NKAIN3: variants seen among roughly 807,000 people sequenced by gnomAD.
NKAIN3 encodes the protein sodium/potassium-transporting ATPase subunit beta-1-interacting protein 3.
NKAIN3 carries 25 observed loss-of-function variants against 30.2 expected under a neutral mutation model. That is an observed-to-expected ratio of 0.83 (90% confidence interval 0.60 to 1.16). The LOEUF is 1.16. Among genes scored for constraint, NKAIN3 ranks in the 50% most tolerant of loss-of-function variants. NKAIN3 has a pLI of 0.00. For synonymous variants in NKAIN3, 91 were observed against 89.6 expected (o/e 1.02, Z -0.09); for missense variants, 225 against 254.1 (o/e 0.89, Z 0.78).
At chr8:62,788,223 C>T (rs1344893958) in intron 4 of NKAIN3, among the ~76,000 whole-genome samples, 2 of 152,074 alleles carry the variant, frequency 1.3e-5, no homozygotes, top group Non-Finnish European at 1.5e-5. Context: ...TTTTAATGAT[C>T]GCCATTCTAA....
chr8:62,667,315 TTATATATATATATTC>T (rs1813141535), intron 3 of NKAIN3, among the ~76,000 whole-genome samples: 1 of 134,156 alleles, frequency 7.5e-6, no homozygotes, highest in Non-Finnish European at 1.5e-5. Flanking sequence ...ATATATATAT[TTATATATATATATTC>T]TTTATATATA....
At chr8:62,818,234 A>G (rs1001344072) in intron 4 of NKAIN3, among the ~76,000 whole-genome samples, 1 of 152,184 alleles carries the variant, frequency 6.6e-6, no homozygotes, top group Non-Finnish European at 1.5e-5. Context: ...ATGATGTTGC[A>G]GAGGGGAAAG....
At chr8:62,793,796 G>A (rs1469380440) in intron 4 of NKAIN3, among the ~76,000 whole-genome samples, 3 of 152,098 alleles carry the variant, frequency 2.0e-5, no homozygotes, top group Non-Finnish European at 4.4e-5. Flanking sequence ...GAACATCTAA[G>A]ATATGCATCC....
intron 1 of NKAIN3, among the ~76,000 whole-genome samples, chr8:62,489,439 A>G (rs955345544): frequency 2.6e-5 from 4 of 152,184 alleles, no homozygotes; most frequent in Non-Finnish European, 5.9e-5. Flanking sequence ...TATCTGTTAT[A>G]TCTTATATAG....
chr8:62,847,702 A>G (rs1371295171), intron 4 of NKAIN3, among the ~76,000 whole-genome samples: 1 of 152,112 alleles, frequency 6.6e-6, no homozygotes, highest in African/African-American at 2.4e-5. Flanking sequence ...CCATCGGTCA[A>G]TTTTTGCTTT....
intron 1 of NKAIN3, among the ~76,000 whole-genome samples, chr8:62,344,523 T>C (rs909214467): frequency 3.3e-5 from 5 of 152,110 alleles, no homozygotes; most frequent in African/African-American, 4.8e-5. Flanking sequence ...AGGTATTCAA[T>C]AGAAAATGGT....
intron 5 of NKAIN3, among the ~76,000 whole-genome samples, chr8:62,993,934 C>T (rs1804040438): frequency 6.6e-6 from 1 of 152,140 alleles, no homozygotes; most frequent in African/African-American, 2.4e-5. Context: ...AACTTATAAA[C>T]CATCTTATCT....
intron 3 of NKAIN3, among the ~76,000 whole-genome samples, chr8:62,666,756 C>A (rs1273300880): frequency 6.6e-6 from 1 of 152,076 alleles, no homozygotes; most frequent in African/African-American, 2.4e-5. Context: ...CCAAATAGAA[C>A]TTTAATGCTA....
chr8:62,658,749 G>T (rs1162278721), intron 3 of NKAIN3, among the ~76,000 whole-genome samples: 1 of 152,088 alleles, frequency 6.6e-6, no homozygotes, highest in Non-Finnish European at 1.5e-5. Context: ...GCAATTGGCT[G>T]GTAAAACTAT....
At chr8:62,857,686 T>C (rs1171434111) in intron 4 of NKAIN3, among the ~76,000 whole-genome samples, 1 of 152,248 alleles carries the variant, frequency 6.6e-6, no homozygotes, top group Non-Finnish European at 1.5e-5. Context: ...ACTGTGTTTT[T>C]CAGTTCTATC....
At chr8:62,556,268 T>C (rs1325958274) in intron 1 of NKAIN3, among the ~76,000 whole-genome samples, 2 of 151,910 alleles carry the variant, frequency 1.3e-5, no homozygotes, top group Non-Finnish European at 2.9e-5. Flanking sequence ...TAAAAGATAA[T>C]GATTAACTTC....
intron 1 of NKAIN3, among the ~76,000 whole-genome samples, chr8:62,438,070 T>C (rs1270979606): frequency 6.6e-6 from 1 of 152,170 alleles, no homozygotes; most frequent in African/African-American, 2.4e-5. Flanking sequence ...TTTTAAACTG[T>C]ACTGTGGGTC....
intron 1 of NKAIN3, among the ~76,000 whole-genome samples, chr8:62,521,927 G>A (rs1808172476): frequency 6.6e-6 from 1 of 152,076 alleles, no homozygotes; most frequent in Non-Finnish European, 1.5e-5. Context: ...TAAAACGTTA[G>A]GAATGAGGGA....
At chr8:62,746,462 A>G (rs185902515) in intron 3 of NKAIN3, among the ~76,000 whole-genome samples, 1 of 152,334 alleles carries the variant, frequency 6.6e-6, no homozygotes, top group East Asian at 1.9e-4. Flanking sequence ...TCAGCCTGCT[A>G]TAAATTAGCT....
At chr8:62,381,669 G>A (rs1311104778) in intron 1 of NKAIN3, among the ~76,000 whole-genome samples, 1 of 152,104 alleles carries the variant, frequency 6.6e-6, no homozygotes, top group African/African-American at 2.4e-5. Context: ...CTAGGACTCT[G>A]ATAGATGGAG....
intron 3 of NKAIN3, among the ~76,000 whole-genome samples, chr8:62,680,664 T>C (rs1351107277): frequency 6.6e-6 from 1 of 152,202 alleles, no homozygotes; most frequent in Non-Finnish European, 1.5e-5. Context: ...TCTAATGTCT[T>C]CTGCCCTAAA....
intron 1 of NKAIN3, among the ~76,000 whole-genome samples, chr8:62,350,390 C>T (rs191737468): frequency 3.9e-5 from 6 of 152,000 alleles, no homozygotes; most frequent in East Asian, 1.9e-4. Flanking sequence ...GCATATGATT[C>T]GAGTTATATG....
At chr8:62,799,305 T>C (rs1419910756) in intron 4 of NKAIN3, among the ~76,000 whole-genome samples, 1 of 152,010 alleles carries the variant, frequency 6.6e-6, no homozygotes, top group Non-Finnish European at 1.5e-5. Flanking sequence ...TCTGACAAAG[T>C]ACTAATATCT....
At chr8:62,638,984 G>A (rs1812221783) in intron 3 of NKAIN3, among the ~76,000 whole-genome samples, 1 of 152,100 alleles carries the variant, frequency 6.6e-6, no homozygotes, top group Non-Finnish European at 1.5e-5. Flanking sequence ...AAATTGCCCT[G>A]AAGAAATTTG....
Sources: gnomAD v4.1 joint callset for allele counts (sites outside exome capture counted in the v4.1 genomes callset) on GRCh38, gnomAD v4.1.1 for gene constraint, MANE v1.5 for transcripts, NCBI Gene and HGNC (gene_info 2026-07-23, HGNC 2026-07-21) for gene names.